VAPA: variants seen among roughly 807,000 people sequenced by gnomAD.
The protein encoded by VAPA is vesicle-associated membrane protein-associated protein A.
VAPA carries 6 observed loss-of-function variants against 25.6 expected under a neutral mutation model. The observed-to-expected ratio is 0.23, with a 90% CI of 0.13 to 0.46. The LOEUF is 0.46. Among genes scored for constraint, VAPA ranks in the 20% least tolerant of loss-of-function variants. VAPA has a pLI of 0.99. For synonymous variants in VAPA, 112 were observed against 106.2 expected (o/e 1.05, Z -0.34); for missense variants, 244 against 302.1 (o/e 0.81, Z 1.43).
At chr18:9,937,218 C>CTT (rs10642192) in intron 4 of VAPA, 152 bp downstream of exon 4, 132,519 of 204,914 alleles carry the variant, frequency 0.65, 42,372 homozygotes, top group Admixed American at 0.73. Flanking sequence ...CTTGGTATGC[C>CTT]TTTTTTTTTT....
chr18:9,914,195 C>T lies in VAPA; in HGVS notation c.-62C>T, dbSNP rs2069088697. The T allele has an allele frequency of 3.4e-6, 5 of 1,468,812 alleles. No homozygotes were observed. The highest frequency in any genetic ancestry group is 2.8e-5 in the East Asian group (1 of 35,394). 91.0% of individuals were successfully genotyped at this position (1,468,812 alleles called of 1,614,324 possible). A position where few individuals can be genotyped will look rare whatever the true frequency, so the allele number is the denominator to read the frequency against. ...TCGGCCGAGCCGTCGCCGCCGTCGT[C>T]CCCCGCCCCCAGTCAGCAAACCGCC... On this transcript the variant is annotated 5_prime_UTR_variant, in exon 1 of 6. Coordinates refer to ENST00000400000, the MANE Select transcript of VAPA (RefSeq NM_194434.3).
intron 1 of VAPA, among the ~76,000 whole-genome samples, chr18:9,930,455 G>A (rs557770262): frequency 2.0e-5 from 3 of 152,194 alleles, no homozygotes; most frequent in South Asian, 2.1e-4. Flanking sequence ...AGTTCAAAAC[G>A]TATCTCCAGC....
intron 1 of VAPA, among the ~76,000 whole-genome samples, chr18:9,929,165 A>G (rs888655585): frequency 6.6e-6 from 1 of 152,186 alleles, no homozygotes; most frequent in Admixed American, 6.5e-5. Flanking sequence ...TTCACGTAAT[A>G]GATGAATACT....
intron 4 of VAPA, among the ~76,000 whole-genome samples, chr18:9,946,258 C>G (rs536919347): frequency 1.3e-5 from 2 of 152,256 alleles, no homozygotes; most frequent in South Asian, 4.1e-4. Context: ...AGTGTACTTA[C>G]AAAAACCTAT....
In VAPA at chr18:9,959,133, TAGC is replaced by T. The variant is rs758329080; in HGVS notation, c.*4925_*4927del. On this transcript the variant is annotated 3_prime_UTR_variant, in exon 6 of 6. Transcript: ENST00000400000. ...TTAGCTCAAGTCTACACAGCTGAAG[TAGC>T]AGAGAAAGTGGGATCTAGATGGTCT... is the stretch of plus-strand genomic sequence containing the variant. 1 of 152,118 alleles carries T rather than the reference TAGC, an allele frequency of 6.6e-6. No individual in the cohort carries two copies. The highest frequency in any genetic ancestry group is 1.9e-4 in the East Asian group (1 of 5,202). The allele number at this position is 152,118 out of a possible 1,614,324, so 9.4% of individuals were successfully genotyped here.
In VAPA at chr18:9,959,003, GCTTATTA is replaced by G. The variant is rs1430374503; in HGVS notation, c.*4797_*4803del. 7.9e-5 allele frequency: 12 copies of G among 152,072 alleles called. No homozygotes were observed. The highest frequency in any genetic ancestry group is 2.9e-4 in the African/African-American group (12 of 41,398). 9.4% of individuals were successfully genotyped at this position (152,072 alleles called of 1,614,324 possible). On this transcript the variant is annotated 3_prime_UTR_variant, in exon 6 of 6. Transcript: ENST00000400000. ...TCAAGTATAATGTCGTTTTCAACAT[GCTTATTA>G]CTTAGTTTTACGTCAGCTCATTTCA...
At chr18:9,938,070 G>A (rs550540977) in intron 4 of VAPA, among the ~76,000 whole-genome samples, 1 of 152,256 alleles carries the variant, frequency 6.6e-6, no homozygotes, top group South Asian at 2.1e-4. Flanking sequence ...GTGTTAGATG[G>A]CCTGTGTATG....
chr18:9,937,787 T>C (rs937637436), intron 4 of VAPA, among the ~76,000 whole-genome samples: 1 of 152,078 alleles, frequency 6.6e-6, no homozygotes, highest in Admixed American at 6.6e-5. Flanking sequence ...TATGGATAAA[T>C]AGAATGGTGT....
At chr18:9,947,628 A>G (rs2069439452) in intron 4 of VAPA, 1 of 152,154 alleles carries the variant, frequency 6.6e-6, no homozygotes, top group Non-Finnish European at 1.5e-5. Context: ...CCATTCATCA[A>G]TTTACTAAGA....
chr18:9,932,082 C>A, intron 2 of VAPA, 120 bp downstream of exon 2: 1 of 741,468 alleles, frequency 1.3e-6, no homozygotes, highest in Non-Finnish European at 2.1e-6. Context: ...TCTGGTTTTG[C>A]CTTTAAAGAT....
At chr18:9,939,659 G>A (rs1432181011) in intron 4 of VAPA, among the ~76,000 whole-genome samples, 1 of 151,356 alleles carries the variant, frequency 6.6e-6, no homozygotes, top group Non-Finnish European at 1.5e-5. Context: ...GGTATTTCCT[G>A]TGATCGAAAG....
chr18:9,935,942 T>C (rs1251032301), intron 2 of VAPA, among the ~76,000 whole-genome samples, 168 bp from the exon 3 acceptor site: 2 of 152,256 alleles, frequency 1.3e-5, no homozygotes, highest in Non-Finnish European at 1.5e-5. Flanking sequence ...TGAACCCTTC[T>C]TGGTTTTTTT....
At chr18:9,933,949 T>G (rs1228453417) in intron 2 of VAPA, among the ~76,000 whole-genome samples, 1 of 152,248 alleles carries the variant, frequency 6.6e-6, no homozygotes, top group Non-Finnish European at 1.5e-5. Flanking sequence ...TTGAGGGGCC[T>G]AGATTGCTGG....
chr18:9,933,681 G>A (rs984430875), intron 2 of VAPA, among the ~76,000 whole-genome samples: 2 of 152,252 alleles, frequency 1.3e-5, no homozygotes, highest in East Asian at 1.9e-4. Context: ...AGGATTACGG[G>A]CGTGTGCCAA....
rs2069531865 is a variant in VAPA, at chr18:9,954,964, A to T, written c.*753A>T. On this transcript the variant is annotated 3_prime_UTR_variant, in exon 6 of 6. Coordinates refer to ENST00000400000, the MANE Select transcript of VAPA (RefSeq NM_194434.3). ...TTAATTGAAAGTCCTAATTCTGTTAAGGAAAGGAGTTGATTAAATTTTAAG... is the reference window on the plus strand; with the variant it reads ...TTAATTGAAAGTCCTAATTCTGTTATGGAAAGGAGTTGATTAAATTTTAAG... 6.6e-6 allele frequency: 1 copy of T among 152,274 alleles called. No individual in the cohort carries two copies. The highest frequency in any genetic ancestry group is 2.4e-5 in the African/African-American group (1 of 41,448). 9.4% of individuals were successfully genotyped at this position (152,274 alleles called of 1,614,324 possible). A position where few individuals can be genotyped will look rare whatever the true frequency, so the allele number is the denominator to read the frequency against.
chr18:9,952,785 T>C (rs141559861), intron 5 of VAPA, among the ~76,000 whole-genome samples: 123 of 152,272 alleles, frequency 8.1e-4, no homozygotes, highest in African/African-American at 2.9e-3. Context: ...GCCCCAGACC[T>C]AATGAGTCAC....
At chr18:9,915,910 A>C (rs1309062394) in intron 1 of VAPA, 2 of 152,136 alleles carry the variant, frequency 1.3e-5, no homozygotes, top group African/African-American at 4.8e-5. Flanking sequence ...GCTGGGGGAA[A>C]ACCTTTGAGG....
At position 9,921,638 on chromosome 18, in the gene VAPA, A is replaced by G. The variant is rs1056027679; in HGVS notation, c.79+7303A>G. Among the ~76,000 whole-genome samples the G allele has an allele frequency of 2.0e-5, 3 of 152,162 alleles. No individual in the cohort carries two copies. In the East Asian group the frequency reaches 5.8e-4, roughly 29 times the overall value. On this transcript the variant is annotated intron_variant, in intron 1 of 5. Coordinates refer to ENST00000400000, the MANE Select transcript of VAPA (RefSeq NM_194434.3). ...GTTTCTTTTTATCTTACCTTTACTG[A>G]CCATTTAGTGAAATCTTATTTGCCT...
rs767704106 is a variant in VAPA at position 9,958,453 on chromosome 18, G to C, written c.*4242G>C. ...AAGAGAGTATATAGGAAGTTATTCA[G>C]ATAACTTTTGTAGTAGTGATATTCA... On this transcript the variant is annotated 3_prime_UTR_variant, in exon 6 of 6. Transcript: ENST00000400000. 1 of 152,172 alleles carries C rather than the reference G, an allele frequency of 6.6e-6. No individual in the cohort carries two copies. Among genetic ancestry groups the C allele is most frequent in the Non-Finnish European group, 1.5e-5 (1 of 68,036 alleles). 9.4% of individuals were successfully genotyped at this position (152,172 alleles called of 1,614,324 possible).
Sources: gnomAD v4.1 joint callset for allele counts (sites outside exome capture counted in the v4.1 genomes callset) on GRCh38, gnomAD v4.1.1 for gene constraint, MANE v1.5 for transcripts, NCBI Gene and HGNC (gene_info 2026-07-23, HGNC 2026-07-21) for gene names.